The following PCOLCE2 variants were observed in gnomAD, a reference collection of about 807,000 sequenced individuals.
The protein encoded by PCOLCE2 is procollagen C-proteinase enhancer 2.
PCOLCE2 carries 42 observed loss-of-function variants against 47.0 expected under a neutral mutation model. The observed-to-expected ratio is 0.89, with a 90% CI of 0.70 to 1.16. The LOEUF is 1.16. PCOLCE2 is among the 50% of genes most tolerant of loss of function. The probability of loss-of-function intolerance (pLI) is 0.00; values close to 1 mark genes in which losing one functional copy is unlikely to be tolerated. For synonymous variants in PCOLCE2, 169 were observed against 191.7 expected, an observed-to-expected ratio of 0.88 and a Z score of 0.98; for missense variants, 500 against 526.1, an observed-to-expected ratio of 0.95 and a Z score of 0.49.
At position 142,829,726 on chromosome 3, in the gene PCOLCE2, T is replaced by C; in HGVS notation, c.831A>G (p.Glu277=). The C allele has an allele frequency of 6.2e-7, 1 of 1,607,134 alleles. No homozygotes were observed. The highest frequency in any genetic ancestry group is 8.5e-7 in the Non-Finnish European group (1 of 1,176,234). ...FRPKKLPTTT[E]QPVTTTFPVT... Reference sequence around the variant, plus strand: ...CAGGGAATGTGGTGGTGACAGGCTGTTCTGTAGTTGTAGGCAGTTTTTTTG... The same window carrying C: ...CAGGGAATGTGGTGGTGACAGGCTGCTCTGTAGTTGTAGGCAGTTTTTTTG... Residue 277 remains glutamate, a synonymous_variant, in exon 6 of 9, where the codon GAA becomes GAG. Transcript: ENST00000295992.
intron 2 of PCOLCE2, among the ~76,000 whole-genome samples, chr3:142,859,388 AAT>A (rs1420157375): frequency 2.0e-5 from 3 of 151,404 alleles, no homozygotes; most frequent in East Asian, 1.9e-4. Context: ...ATGACACATG[AAT>A]ATATATATAT....
At chr3:142,839,642 T>C (rs529673324) in intron 4 of PCOLCE2, among the ~76,000 whole-genome samples, 4 of 152,304 alleles carry the variant, frequency 2.6e-5, no homozygotes, top group Non-Finnish European at 5.9e-5. Context: ...TAACACCACA[T>C]TCCACACACA....
intron 2 of PCOLCE2, among the ~76,000 whole-genome samples, chr3:142,867,089 G>A (rs1419628928): frequency 1.3e-5 from 2 of 152,192 alleles, no homozygotes; most frequent in Non-Finnish European, 2.9e-5. Flanking sequence ...TGACACGCCT[G>A]GTCAAACCAA....
At chr3:142,852,975 G>A (rs1932980442) in intron 2 of PCOLCE2, among the ~76,000 whole-genome samples, 1 of 151,436 alleles carries the variant, frequency 6.6e-6, no homozygotes, top group African/African-American at 2.4e-5. Context: ...ATGTGGTGGT[G>A]CATGCCTGTA....
At chr3:142,827,216 T>A in intron 6 of PCOLCE2, 2 of 1,234,152 alleles carry the variant, frequency 1.6e-6, no homozygotes, top group Non-Finnish European at 2.4e-6. Flanking sequence ...GATGCCGATG[T>A]GCTGGTGGTT....
chr3:142,845,748 C>T (rs983157565), intron 3 of PCOLCE2, among the ~76,000 whole-genome samples: 16 of 152,160 alleles, frequency 1.1e-4, no homozygotes, highest in Admixed American at 7.9e-4. Context: ...CCGAGGTGGG[C>T]AGATCAACCT....
chr3:142,864,154 G>A (rs1261001516), intron 2 of PCOLCE2: 1 of 152,126 alleles, frequency 6.6e-6, no homozygotes, highest in Admixed American at 6.6e-5. Flanking sequence ...AACATGCCTG[G>A]TACTTCCTGC....
chr3:142,848,467 G>C lies in PCOLCE2; in HGVS notation c.198C>G (p.Pro66=), dbSNP rs759085276. Residue 66 remains proline (P), a synonymous_variant, in exon 3 of 9, where the codon CCC becomes CCG. Transcript: ENST00000295992. ...AATTGAGAACGACTACTTTTCCTTC[G>C]GGAACCTGCCAAGAAAAGCGCCAAT... The part of the protein sequence containing the change: ...NSKCTWKITV[P]EGKVVVLNFR... 2.5e-6 allele frequency: 4 copies of C among 1,594,612 alleles called. No individual in the cohort carries two copies. In the African/African-American group the frequency reaches 5.4e-5, roughly 21 times the overall value.
intron 3 of PCOLCE2, among the ~76,000 whole-genome samples, chr3:142,844,512 T>A (rs1578036792): frequency 1.3e-5 from 2 of 152,190 alleles, no homozygotes; most frequent in Non-Finnish European, 2.9e-5. Context: ...GTTTTACACC[T>A]CTCTCGAGTA....
intron 7 of PCOLCE2, among the ~76,000 whole-genome samples, chr3:142,821,483 G>C (rs922895941): frequency 6.6e-5 from 10 of 152,124 alleles, no homozygotes; most frequent in African/African-American, 2.4e-4. Context: ...CTTTGTGTCG[G>C]TGTGGGTGTG....
At chr3:142,873,386 T>C (rs1026645277) in intron 2 of PCOLCE2, among the ~76,000 whole-genome samples, 9 of 135,844 alleles carry the variant, frequency 6.6e-5, no homozygotes, top group Non-Finnish European at 9.3e-5. Flanking sequence ...AGAGTGAAAC[T>C]CCATCTCAAA....
chr3:142,865,223 T>C (rs977091457), intron 2 of PCOLCE2, among the ~76,000 whole-genome samples: 3 of 152,162 alleles, frequency 2.0e-5, no homozygotes, highest in African/African-American at 7.2e-5. Context: ...TTTGATTGCA[T>C]TTCTCTAATG....
intron 2 of PCOLCE2, among the ~76,000 whole-genome samples, chr3:142,851,968 T>C (rs1348343359): frequency 6.6e-6 from 1 of 152,182 alleles, no homozygotes; most frequent in African/African-American, 2.4e-5. Context: ...CCTGTTCCCA[T>C]GGCAATGAAA....
chr3:142,857,611 A>C (rs1933087215), intron 2 of PCOLCE2, among the ~76,000 whole-genome samples: 1 of 152,206 alleles, frequency 6.6e-6, no homozygotes, highest in Admixed American at 6.5e-5. Flanking sequence ...ATCCATGACA[A>C]ACTGTAAATC....
intron 5 of PCOLCE2, among the ~76,000 whole-genome samples, chr3:142,836,958 T>C (rs1937210382): frequency 6.6e-6 from 1 of 152,184 alleles, no homozygotes; most frequent in African/African-American, 2.4e-5. Context: ...TATGTTTCTT[T>C]ATAAGGCAAA....
At chr3:142,883,419 G>A (rs1393899127) in intron 2 of PCOLCE2, among the ~76,000 whole-genome samples, 1 of 151,792 alleles carries the variant, frequency 6.6e-6, no homozygotes, top group African/African-American at 2.4e-5. Flanking sequence ...TGCTATTAAT[G>A]TCTTTTTCTT....
chr3:142,872,910 C>T (rs1480600182), intron 2 of PCOLCE2, among the ~76,000 whole-genome samples: 1 of 152,040 alleles, frequency 6.6e-6, no homozygotes, highest in Non-Finnish European at 1.5e-5. Context: ...TTTTATTTTC[C>T]CCCAAAAGAT....
chr3:142,864,548 A>C (rs1933244593), intron 2 of PCOLCE2: 1 of 152,216 alleles, frequency 6.6e-6, no homozygotes, highest in Non-Finnish European at 1.5e-5. Context: ...ACTCATTTTA[A>C]AGTGTACATT....
At chr3:142,829,574 G>T in intron 6 of PCOLCE2, 118 bp downstream of exon 6, 1 of 718,740 alleles carries the variant, frequency 1.4e-6, no homozygotes, top group Non-Finnish European at 2.2e-6. Flanking sequence ...TCTTACCAAA[G>T]CTTTCATCCT....
Sources: gnomAD v4.1 joint callset for allele counts (sites outside exome capture counted in the v4.1 genomes callset) on GRCh38, gnomAD v4.1.1 for gene constraint, MANE v1.5 for transcripts, NCBI Gene and HGNC (gene_info 2026-07-23, HGNC 2026-07-21) for gene names.